SNX29: variants seen among roughly 807,000 people sequenced by gnomAD.
SNX29 encodes sorting nexin 29.
A neutral mutation model predicts 102.1 loss-of-function variants in SNX29; 78 were observed. The observed-to-expected ratio is 0.76, with a 90% confidence interval of 0.64 to 0.92. The LOEUF (loss-of-function observed/expected upper bound fraction) is 0.92. SNX29 is among the 40% of genes least tolerant of loss of function. SNX29 has a pLI of 0.00. For missense variants in SNX29, 1,280 were observed against 1,061.7 expected (o/e 1.21, Z -2.86); for synonymous variants, 580 against 414.5 (o/e 1.40, Z -4.85).
intron 11 of SNX29, among the ~76,000 whole-genome samples, chr16:12,092,459 G>A (rs574449235): frequency 6.6e-6 from 1 of 152,320 alleles, no homozygotes; most frequent in South Asian, 2.1e-4. Context: ...GTAAAGGCCT[G>A]GTAATATGAG....
rs374473805 is a variant in SNX29, at chr16:12,403,494, C to G, written c.2002C>G (p.Arg668Gly). 18 of 1,608,166 alleles carry G rather than the reference C, an allele frequency of 1.1e-5. No individual in the cohort carries two copies. The highest frequency in any genetic ancestry group is 1.5e-5 in the Non-Finnish European group (18 of 1,177,378). Residue 668 changes from arginine (R) to glycine (G), a missense_variant, in exon 18 of 21, where the codon CGG (arginine) becomes GGG (glycine). Coordinates refer to ENST00000566228, the MANE Select transcript of SNX29 (RefSeq NM_032167.5). ...CGTCTGGATCCCCTCAGTGTTTCTC[C>G]GGGGCAAAGCAGCAAATGCATTCCA... ...INVWIPSVFLRGKAANAFHVY... is the reference protein window; with the variant it reads ...INVWIPSVFLGGKAANAFHVY...
chr16:12,474,126 G>T (rs986127061), intron 18 of SNX29, among the ~76,000 whole-genome samples: 1 of 152,118 alleles, frequency 6.6e-6, no homozygotes, highest in Non-Finnish European at 1.5e-5. Context: ...GCAGGTAGCC[G>T]TGGGTTCAAA....
intron 20 of SNX29, among the ~76,000 whole-genome samples, chr16:12,539,458 A>G: frequency 6.6e-6 from 1 of 152,326 alleles, no homozygotes; most frequent in Admixed American, 6.5e-5. Context: ...AGTTTGGTTA[A>G]ATGGATATAC....
intron 15 of SNX29, among the ~76,000 whole-genome samples, chr16:12,294,419 A>G (rs531168886): frequency 6.6e-6 from 1 of 152,110 alleles, no homozygotes; most frequent in South Asian, 2.1e-4. Flanking sequence ...CCTCCCTCCG[A>G]TGGGCTGAGA....
chr16:12,528,845 T>C (rs543535348), intron 20 of SNX29, among the ~76,000 whole-genome samples: 3 of 152,192 alleles, frequency 2.0e-5, no homozygotes, highest in Non-Finnish European at 4.4e-5. Flanking sequence ...GGAATGGTGG[T>C]CCCATTCTGG....
intron 14 of SNX29, among the ~76,000 whole-genome samples, chr16:12,227,052 G>T (rs1032765752): frequency 1.3e-5 from 2 of 152,230 alleles, no homozygotes; most frequent in African/African-American, 4.8e-5. Context: ...GGCTGGGACT[G>T]TGGTGAAGTG....
rs1183649705 is a variant in SNX29, at chr16:12,261,249, C to T, written c.1679-16684C>T. Among the ~76,000 whole-genome samples the T allele has an allele frequency of 2.2e-4, 29 of 131,650 alleles. 3 individuals carry two copies. Among genetic ancestry groups the T allele is most frequent in the African/African-American group, 8.5e-4 (28 of 33,024 alleles). The allele number at this position is 131,650 out of a possible 152,430, so 86.4% of individuals were successfully genotyped here. The stretch of plus-strand genomic sequence containing the variant: ...TGTTTGCTGAGCTCGGGTCTGTGTG[C>T]GCACCCCCGGGTGAAGTGAGTGTTT... On this transcript the variant is annotated intron_variant, in intron 14 of 20. Coordinates refer to ENST00000566228, the MANE Select transcript of SNX29 (RefSeq NM_032167.5).
intron 18 of SNX29, among the ~76,000 whole-genome samples, chr16:12,441,765 T>G (rs886972041): frequency 5.3e-5 from 8 of 152,178 alleles, no homozygotes; most frequent in African/African-American, 1.7e-4. Flanking sequence ...ACTCTTAAAT[T>G]TAGTTATTTG....
chr16:12,436,439 C>T (rs948565069), intron 18 of SNX29, among the ~76,000 whole-genome samples: 11 of 152,222 alleles, frequency 7.2e-5, no homozygotes, highest in South Asian at 2.1e-4. Flanking sequence ...GGTGGAGTGG[C>T]GCGCGAGCAC....
chr16:12,554,817 C>G (rs984521369), intron 20 of SNX29, among the ~76,000 whole-genome samples: 1 of 152,178 alleles, frequency 6.6e-6, no homozygotes. Flanking sequence ...GTATTGAGCA[C>G]CTGCTCTGTG....
chr16:12,544,332 GGA>G (rs199675152), intron 20 of SNX29, among the ~76,000 whole-genome samples: 2,875 of 152,296 alleles, frequency 0.019, 46 homozygotes, highest in Non-Finnish European at 0.03. Context: ...TCATGAGGCA[GGA>G]AAAGTCAGTA....
chr16:12,178,707 C>G (rs1186913007), intron 13 of SNX29, among the ~76,000 whole-genome samples: 1 of 152,150 alleles, frequency 6.6e-6, no homozygotes, highest in African/African-American at 2.4e-5. Context: ...TAGTGGTGGT[C>G]GCCTGTCTTC....
chr16:12,568,016 C>G (rs1309764715), intron 20 of SNX29, among the ~76,000 whole-genome samples: 2 of 152,174 alleles, frequency 1.3e-5, no homozygotes, highest in African/African-American at 4.8e-5. Context: ...CCATGCCAAA[C>G]AACCTTTTAA....
In SNX29 at chr16:12,573,757, A is replaced by G. The variant is rs1292994946; in HGVS notation, c.*5128A>G. ...GTACATTTGCACCCAGAGCTACTAA[A>G]CGCTCAGTGACCCCAGAGACCATTA... On this transcript the variant is annotated 3_prime_UTR_variant, in exon 21 of 21. Coordinates refer to ENST00000566228, the MANE Select transcript of SNX29 (RefSeq NM_032167.5). The G allele has an allele frequency of 1.3e-5, 3 of 222,496 alleles. No homozygotes were observed. Among genetic ancestry groups the G allele is most frequent in the East Asian group, 1.3e-4 (2 of 15,298 alleles). 13.8% of individuals were successfully genotyped at this position (222,496 alleles called of 1,614,324 possible). A position where few individuals can be genotyped will look rare whatever the true frequency, so the allele number is the denominator to read the frequency against.
intron 13 of SNX29, among the ~76,000 whole-genome samples, chr16:12,197,345 G>A (rs908166966): frequency 3.9e-5 from 6 of 152,140 alleles, no homozygotes; most frequent in Non-Finnish European, 7.4e-5. Flanking sequence ...TGAGGTGGGC[G>A]GATCACTTAA....
At chr16:12,388,120 G>A (rs996655242) in intron 16 of SNX29, among the ~76,000 whole-genome samples, 2 of 152,166 alleles carry the variant, frequency 1.3e-5, no homozygotes, top group Non-Finnish European at 2.9e-5. Flanking sequence ...CACGTGCCGA[G>A]CTTTAGGGCT....
Position 12,430,691 on chromosome 16 carries a change from T to G in SNX29, c.2037+27162T>G, listed in dbSNP as rs192806059. Reference sequence around the variant, plus strand: ...CTGAATACATGACAGGCTTTATTGTTATGACTGTTACTATTACTTTTGTTG... The same window carrying G: ...CTGAATACATGACAGGCTTTATTGTGATGACTGTTACTATTACTTTTGTTG... On this transcript the variant is annotated intron_variant, in intron 18 of 20. Coordinates refer to ENST00000566228, the MANE Select transcript of SNX29 (RefSeq NM_032167.5). Among the ~76,000 whole-genome samples, 183 of 152,362 alleles carry G rather than the reference T, an allele frequency of 1.2e-3. 1 individual carries two copies. Among genetic ancestry groups the G allele is most frequent in the African/African-American group, 4.2e-3 (173 of 41,586 alleles).
At chr16:12,300,464 T>G (rs1023133489) in intron 15 of SNX29, among the ~76,000 whole-genome samples, 1 of 152,216 alleles carries the variant, frequency 6.6e-6, no homozygotes, top group African/African-American at 2.4e-5. Context: ...TTCCATTGTT[T>G]GGCATTGTGT....
intron 15 of SNX29, among the ~76,000 whole-genome samples, chr16:12,324,548 T>C (rs762416288): frequency 6.6e-6 from 1 of 152,090 alleles, no homozygotes; most frequent in Non-Finnish European, 1.5e-5. Flanking sequence ...GTTGAGATTC[T>C]AGGCCTGAGC....
Sources: gnomAD v4.1 joint callset for allele counts (sites outside exome capture counted in the v4.1 genomes callset) on GRCh38, gnomAD v4.1.1 for gene constraint, MANE v1.5 for transcripts, NCBI Gene and HGNC (gene_info 2026-07-23, HGNC 2026-07-21) for gene names.